Variants in ADCY10 observed in about 807,000 individuals in gnomAD.
ADCY10 encodes the protein adenylate cyclase 10.
A neutral mutation model predicts 183.3 loss-of-function variants in ADCY10; 156 were observed. The ratio of observed to expected loss-of-function variants is 0.85; its 90% CI spans 0.75 to 0.97. ADCY10 has a LOEUF of 0.97. Ranked by LOEUF, ADCY10 falls within the 50% of genes least tolerant of loss-of-function variation. The probability of loss-of-function intolerance (pLI) is 0.00; values close to 1 mark genes in which losing one functional copy is unlikely to be tolerated. For missense variants in ADCY10, 1,745 were observed against 1,934.3 expected (o/e 0.90, Z 1.84); for synonymous variants, 645 against 670.0 (o/e 0.96, Z 0.58).
At chr1:167,884,390 C>G (rs181160319) in intron 8 of ADCY10, among the ~76,000 whole-genome samples, 1 of 152,108 alleles carries the variant, frequency 6.6e-6, no homozygotes, top group Non-Finnish European at 1.5e-5. Context: ...TTCACTATCA[C>G]GAGAACAGCA....
intron 13 of ADCY10, among the ~76,000 whole-genome samples, chr1:167,873,957 C>T (rs962459266): frequency 6.6e-6 from 1 of 152,162 alleles, no homozygotes; most frequent in African/African-American, 2.4e-5. Context: ...GGACCCATCT[C>T]TAGAATGTGT....
intron 13 of ADCY10, 72 bp downstream of exon 13, chr1:167,875,059 T>C: frequency 2.5e-6 from 3 of 1,188,498 alleles, no homozygotes; most frequent in Non-Finnish European, 2.5e-6. Context: ...TGCACAGTTA[T>C]CATTGATGTA....
chr1:167,815,752 A>G (rs901195768), intron 31 of ADCY10, among the ~76,000 whole-genome samples: 1 of 152,228 alleles, frequency 6.6e-6, no homozygotes, highest in Non-Finnish European at 1.5e-5. Context: ...AACTATGATT[A>G]ATATGCTAAA....
In ADCY10 at chr1:167,842,406, C is replaced by T. The variant is rs535639762; in HGVS notation, c.3007+3157G>A. ...TTGAACCTGGCTTCAAGTGATCCTT[C>T]CACCTCAGCTTCCCAAAGTGCTGGG... On this transcript the variant is annotated intron_variant, in intron 21 of 32. Transcript: ENST00000367851. 1.4e-3 allele frequency among the ~76,000 whole-genome samples: 215 copies of T among 152,164 alleles called. 1 individual carries two copies. The highest frequency in any genetic ancestry group is 1.8e-3 in the Non-Finnish European group (120 of 68,020).
Position 167,860,967 on chromosome 1 carries a change from T to A in ADCY10, c.1713A>T (p.Lys571Asn). 8.7e-6 allele frequency: 14 copies of A among 1,614,170 alleles called. No homozygotes were observed. The highest frequency in any genetic ancestry group is 1.1e-5 in the Non-Finnish European group (13 of 1,180,016). Residue 571 changes from lysine (K) to asparagine (N), a missense_variant, in exon 15 of 33, where the codon AAA becomes AAT. Lys to Asn is a moderately conservative substitution (Grantham distance 94). Coordinates refer to ENST00000367851, the MANE Select transcript of ADCY10 (RefSeq NM_018417.6). Reference sequence around the variant, plus strand: ...GGTTGGTCTGTCGTTCTTTATAATGTTTACAAGTGTCTAGGCCTAGGACAT... The same window carrying A: ...GGTTGGTCTGTCGTTCTTTATAATGATTACAAGTGTCTAGGCCTAGGACAT... ...MANVLGLDTC[K>N]HYKERQTNLR... is the part of the protein sequence containing the mutation.
chr1:167,834,393 C>T (rs1664034908), intron 23 of ADCY10: 2 of 437,540 alleles, frequency 4.6e-6, no homozygotes, highest in Non-Finnish European at 8.5e-6. Flanking sequence ...CCAGTTTCTT[C>T]CTCTCAATAA....
intron 1 of ADCY10, among the ~76,000 whole-genome samples, chr1:167,905,399 G>T (rs1045388633): frequency 6.6e-6 from 1 of 152,178 alleles, no homozygotes; most frequent in Non-Finnish European, 1.5e-5. Context: ...GCATAAGTGA[G>T]CTCCATTACA....
chr1:167,913,417 T>C (rs1670275952), intron 1 of ADCY10, among the ~76,000 whole-genome samples: 2 of 152,358 alleles, frequency 1.3e-5, no homozygotes, highest in African/African-American at 4.8e-5. Flanking sequence ...AGGGAGATAC[T>C]CTGAACTTAA....
chr1:167,849,356 C>T (rs1190507248), intron 18 of ADCY10, among the ~76,000 whole-genome samples: 1 of 152,084 alleles, frequency 6.6e-6, no homozygotes, highest in African/African-American at 2.4e-5. Context: ...TTTTTCTATC[C>T]CTTCAGCCAT....
intron 14 of ADCY10, among the ~76,000 whole-genome samples, chr1:167,868,677 C>A (rs1291609577): frequency 1.3e-5 from 2 of 152,182 alleles, no homozygotes; most frequent in Non-Finnish European, 2.9e-5. Context: ...TTCCTACTGC[C>A]CATACAAATA....
At chr1:167,831,191 C>A (rs1026572835) in intron 25 of ADCY10, among the ~76,000 whole-genome samples, 1 of 147,854 alleles carries the variant, frequency 6.8e-6, no homozygotes, top group Non-Finnish European at 1.5e-5. Flanking sequence ...GGTAAAATCT[C>A]TCTCTCTTTT....
intron 21 of ADCY10, among the ~76,000 whole-genome samples, chr1:167,843,187 A>G (rs917416935): frequency 2.6e-5 from 4 of 152,170 alleles, no homozygotes; most frequent in African/African-American, 9.7e-5. Context: ...AAAATCTGCA[A>G]ATAACTGAAA....
In ADCY10 at chr1:167,893,695, CAAAAAAAAAAA is replaced by C. The variant is rs748872658; in HGVS notation, c.828+147_828+157del. Among the ~76,000 whole-genome samples the C allele has an allele frequency of 0.034, 2,425 of 70,354 alleles. 92 individuals are homozygous for C. The highest frequency in any genetic ancestry group is 0.11 in the African/African-American group (2,285 of 20,170). The allele number at this position is 70,354 out of a possible 152,430, so 46.2% of individuals were successfully genotyped here. ...TGGGTGACAGAGTGAGACTCTGTCT[CAAAAAAAAAAA>C]AAAAAAAAAAAAAGGAAGTCTTTTT... is the stretch of plus-strand genomic sequence containing the variant. On this transcript the variant is annotated intron_variant, in intron 8 of 32. Coordinates refer to ENST00000367851, the MANE Select transcript of ADCY10 (RefSeq NM_018417.6).
At position 167,845,683 on chromosome 1, in the gene ADCY10, T is replaced by C. The variant is rs763412871; in HGVS notation, c.2887A>G (p.Arg963Gly). ...CARFLEEDAHRCDHCRGRDFI... is the reference protein window; with the variant it reads ...CARFLEEDAHGCDHCRGRDFI... ...TCCCTGCCTCGGCAGTGGTCACATCTGTGGGCATCTTCTTCTAAAAAGCGG... is the reference window on the plus strand; with the variant it reads ...TCCCTGCCTCGGCAGTGGTCACATCCGTGGGCATCTTCTTCTAAAAAGCGG... Residue 963 changes from arginine to glycine, a missense_variant, in exon 21 of 33, where the codon AGA (arginine) becomes GGA (glycine). Transcript: ENST00000367851. 1 of 1,614,268 alleles carries C rather than the reference T, an allele frequency of 6.2e-7. No homozygotes were observed. Among genetic ancestry groups the C allele is most frequent in the South Asian group, 1.1e-5 (1 of 91,086 alleles).
intron 9 of ADCY10, among the ~76,000 whole-genome samples, chr1:167,881,395 A>G (rs1222808598): frequency 6.6e-6 from 1 of 152,226 alleles, no homozygotes; most frequent in African/African-American, 2.4e-5. Context: ...AAAGAACACT[A>G]AAATACCTCA....
In ADCY10 at chr1:167,905,040, G is replaced by GGTCGC. The variant is rs1669718606; in HGVS notation, c.96_100dup (p.Pro34ArgfsTer12). ...GACTCCGTCAAAATAATCCATAAAG[G>GGTCGC]GTCGCTCTGGGGAGAAATGTCCATA... On this transcript the variant is annotated frameshift_variant, in exon 2 of 33. Transcript: ENST00000367851. LOFTEE classifies it high-confidence loss of function. 1.2e-6 allele frequency: 2 copies of GGTCGC among 1,614,132 alleles called. No individual in the cohort carries two copies.
intron 5 of ADCY10, among the ~76,000 whole-genome samples, chr1:167,900,021 G>C (rs911960208): frequency 2.0e-5 from 3 of 152,112 alleles, no homozygotes; most frequent in African/African-American, 7.2e-5. Flanking sequence ...AATCCCTTAG[G>C]GTTGAATTTT....
chr1:167,909,250 T>C (rs576804858), intron 1 of ADCY10, among the ~76,000 whole-genome samples: 1 of 152,334 alleles, frequency 6.6e-6, no homozygotes, highest in South Asian at 2.1e-4. Flanking sequence ...CATCACCTGA[T>C]GGAATATACC....
At chr1:167,884,279 T>C (rs964102692) in intron 8 of ADCY10, among the ~76,000 whole-genome samples, 1 of 152,126 alleles carries the variant, frequency 6.6e-6, no homozygotes, top group Non-Finnish European at 1.5e-5. Context: ...AAACTTATAA[T>C]ATGGCAGAAG....
Sources: allele counts gnomAD v4.1 joint callset (sites outside exome capture counted in the v4.1 genomes callset), GRCh38; gene constraint gnomAD v4.1.1; transcripts MANE v1.5; gene names NCBI Gene and HGNC (gene_info 2026-07-23, HGNC 2026-07-21).